Variants in SLC2A13 observed in about 807,000 individuals in gnomAD.
SLC2A13 encodes the protein proton myo-inositol cotransporter.
Under a neutral mutation model 64.4 loss-of-function variants are expected in SLC2A13, and 32 were observed. The ratio of observed to expected loss-of-function variants is 0.50; its 90% CI spans 0.37 to 0.67. SLC2A13 has a LOEUF of 0.67. SLC2A13 is among the 30% of genes least tolerant of loss of function. The pLI is 0.00. For missense variants in SLC2A13, 743 were observed against 829.2 expected, an observed-to-expected ratio of 0.90 and a Z score of 1.28; for synonymous variants, 338 against 327.1, an observed-to-expected ratio of 1.03 and a Z score of -0.36.
intron 3 of SLC2A13, among the ~76,000 whole-genome samples, chr12:39,964,758 T>C (rs1946477764): frequency 6.6e-6 from 1 of 152,162 alleles, no homozygotes; most frequent in Non-Finnish European, 1.5e-5. Context: ...TCATATCCTA[T>C]GTCATAGCAT....
intron 4 of SLC2A13, among the ~76,000 whole-genome samples, chr12:39,914,304 T>C (rs2136045367): frequency 6.6e-6 from 1 of 152,150 alleles, no homozygotes; most frequent in East Asian, 1.9e-4. Flanking sequence ...GAATGTCTGC[T>C]TACAACAGTG....
At chr12:40,008,697 G>C (rs1162186928) in intron 3 of SLC2A13, among the ~76,000 whole-genome samples, 1 of 151,430 alleles carries the variant, frequency 6.6e-6, no homozygotes, top group Non-Finnish European at 1.5e-5. Context: ...ATTTCTAAAA[G>C]GTTGTGATTC....
intron 4 of SLC2A13, among the ~76,000 whole-genome samples, chr12:39,927,307 G>A (rs1945746596): frequency 6.6e-6 from 1 of 152,008 alleles, no homozygotes; most frequent in Non-Finnish European, 1.5e-5. Flanking sequence ...AAATACTTAA[G>A]GAATTTAAAA....
chr12:39,802,608 T>C (rs1941831235), intron 7 of SLC2A13, among the ~76,000 whole-genome samples: 1 of 152,200 alleles, frequency 6.6e-6, no homozygotes, highest in African/African-American at 2.4e-5. Context: ...TGTGTGAACT[T>C]AGATTGAGAC....
At chr12:39,876,537 T>C (rs1466475762) in intron 4 of SLC2A13, among the ~76,000 whole-genome samples, 1 of 152,086 alleles carries the variant, frequency 6.6e-6, no homozygotes, top group Non-Finnish European at 1.5e-5. Flanking sequence ...AATAATTATA[T>C]TAAAAAACAC....
Position 40,105,473 on chromosome 12 carries a change from C to G in SLC2A13, c.336G>C (p.Gln112His). ...CCTGCCACAGCGCGTCCAGACTGAGCTGCCGCTTGAGCAGCAGCATGGCCC... is the reference window on the plus strand; with the variant it reads ...CCTGCCACAGCGCGTCCAGACTGAGGTGCCGCTTGAGCAGCAGCATGGCCC... ...VSGAMLLLKR[Q>H]LSLDALWQEL... The change falls in exon 1 of 10, where the codon CAG becomes CAC. Residue 112 changes from glutamine (Q) to histidine (H), a missense_variant. Physicochemically the swap from Gln to His is conservative, Grantham distance 24. Transcript: ENST00000280871. This position sits in a 1 kb window ranked among gnomAD's most constrained non-coding sequence, Gnocchi z 4.2. 2.6e-6 allele frequency: 4 copies of G among 1,566,072 alleles called. No homozygotes were observed. The South Asian group carries it at 4.7e-5, about 18-fold the overall frequency.
At chr12:40,008,988 G>C (rs933277706) in intron 3 of SLC2A13, among the ~76,000 whole-genome samples, 2 of 152,188 alleles carry the variant, frequency 1.3e-5, no homozygotes, top group Admixed American at 1.3e-4. Flanking sequence ...GAAGTTTAAA[G>C]GGATGGACTA....
intron 7 of SLC2A13, among the ~76,000 whole-genome samples, chr12:39,828,697 A>G (rs879628315): frequency 7.4e-6 from 1 of 134,882 alleles, no homozygotes; most frequent in Non-Finnish European, 1.6e-5. Flanking sequence ...ATAATTCTAG[A>G]CTAGTAGTAA....
intron 4 of SLC2A13, among the ~76,000 whole-genome samples, chr12:39,920,072 C>T (rs140978916): frequency 2.4e-4 from 37 of 152,180 alleles, no homozygotes; most frequent in African/African-American, 8.9e-4. Flanking sequence ...CTGGCCTGTG[C>T]TCACCAAGGG....
chr12:39,954,223 C>G (rs560000348), intron 3 of SLC2A13, among the ~76,000 whole-genome samples: 12 of 152,292 alleles, frequency 7.9e-5, no homozygotes, highest in African/African-American at 2.6e-4. Flanking sequence ...AGTTTCCAGG[C>G]TGCAGCACAG....
intron 4 of SLC2A13, among the ~76,000 whole-genome samples, chr12:39,948,304 A>G (rs1946173562): frequency 6.6e-6 from 1 of 152,128 alleles, no homozygotes; most frequent in African/African-American, 2.4e-5. Flanking sequence ...ATGGGTTGGG[A>G]TATAAAGAAA....
At chr12:39,984,235 C>T (rs919128677) in intron 3 of SLC2A13, among the ~76,000 whole-genome samples, 3 of 151,598 alleles carry the variant, frequency 2.0e-5, no homozygotes, top group Admixed American at 6.6e-5. Context: ...TGCTAGATGA[C>T]GAGTTAGTGG....
chr12:40,094,538 AG>A (rs1938874216), intron 1 of SLC2A13, among the ~76,000 whole-genome samples: 1 of 152,220 alleles, frequency 6.6e-6, no homozygotes, highest in Non-Finnish European at 1.5e-5. Flanking sequence ...TGCCTTTGGT[AG>A]GACAAGTAGG....
At chr12:39,866,551 T>C (rs919261867) in intron 5 of SLC2A13, among the ~76,000 whole-genome samples, 1 of 152,142 alleles carries the variant, frequency 6.6e-6, no homozygotes, top group Non-Finnish European at 1.5e-5. Flanking sequence ...CGATCTCGGC[T>C]CACTGCAGGC....
intron 4 of SLC2A13, among the ~76,000 whole-genome samples, chr12:39,933,812 A>G (rs2136075678): frequency 6.6e-6 from 1 of 152,276 alleles, no homozygotes; most frequent in Non-Finnish European, 1.5e-5. Context: ...ACTCACTGAG[A>G]TGGGTAAGAA....
chr12:39,895,847 T>C lies in SLC2A13; in HGVS notation c.1035-23886A>G, dbSNP rs201948533. Reference sequence around the variant, plus strand: ...GTATATGCGTGTATATGCACACACATATGTATATGCGTGTATATGCACACA... The same window carrying C: ...GTATATGCGTGTATATGCACACACACATGTATATGCGTGTATATGCACACA... On this transcript the variant is annotated intron_variant, in intron 4 of 9. Coordinates refer to ENST00000280871, the MANE Select transcript of SLC2A13 (RefSeq NM_052885.4). 2.0e-3 allele frequency among the ~76,000 whole-genome samples: 104 copies of C among 50,860 alleles called. 4 individuals carry two copies. The highest frequency in any genetic ancestry group is 7.9e-3 in the African/African-American group (92 of 11,584). The allele number at this position is 50,860 out of a possible 152,430, so 33.4% of individuals were successfully genotyped here.
At chr12:40,099,962 A>G (rs1939091213) in intron 1 of SLC2A13, among the ~76,000 whole-genome samples, 1 of 152,182 alleles carries the variant, frequency 6.6e-6, no homozygotes, top group South Asian at 2.1e-4. Flanking sequence ...ACTATTTGAA[A>G]ATTAGGAGCT....
chr12:39,944,866 G>A (rs568410551), intron 4 of SLC2A13, among the ~76,000 whole-genome samples: 1 of 152,256 alleles, frequency 6.6e-6, no homozygotes, highest in African/African-American at 2.4e-5. Context: ...GTGAGGTACT[G>A]TTGCTTTCAT....
intron 5 of SLC2A13, among the ~76,000 whole-genome samples, chr12:39,867,023 T>C (rs1274808191): frequency 1.3e-5 from 2 of 152,186 alleles, no homozygotes; most frequent in Non-Finnish European, 2.9e-5. Context: ...GTTTGAGCCA[T>C]TACTTTTCTC....
Sources: allele counts gnomAD v4.1 joint callset (sites outside exome capture counted in the v4.1 genomes callset), GRCh38; gene constraint gnomAD v4.1.1; non-coding constraint Gnocchi (gnomAD v3.1); transcripts MANE v1.5; gene names NCBI Gene and HGNC (gene_info 2026-07-23, HGNC 2026-07-21).